The following SLAIN1 variants were observed in gnomAD, a reference collection of about 807,000 sequenced individuals.
SLAIN1 encodes the protein SLAIN family member 1, also known as SLAIN motif-containing protein 1.
A neutral mutation model predicts 55.4 loss-of-function variants in SLAIN1; 17 were observed. That is an observed-to-expected ratio of 0.31 (90% confidence interval 0.21 to 0.46). The LOEUF (loss-of-function observed/expected upper bound fraction) is 0.46, where lower values mean the gene tolerates loss of function less well. SLAIN1 is among the 20% of genes least tolerant of loss of function. The pLI, the probability that SLAIN1 is intolerant of heterozygous loss-of-function variation, is 1.00. For missense variants in SLAIN1, 682 were observed against 785.1 expected (o/e 0.87, Z 1.57); for synonymous variants, 348 against 337.4 (o/e 1.03, Z -0.35).
At chr13:77,762,663 G>A (rs950116711) in intron 6 of SLAIN1, among the ~76,000 whole-genome samples, 3 of 152,148 alleles carry the variant, frequency 2.0e-5, no homozygotes, top group Non-Finnish European at 2.9e-5. Context: ...GCCTCCCAAA[G>A]TGTTGGGATT....
chr13:77,700,800 T>C (rs958569389), intron 1 of SLAIN1, among the ~76,000 whole-genome samples: 3 of 152,122 alleles, frequency 2.0e-5, no homozygotes, highest in Non-Finnish European at 4.4e-5. Context: ...AGTGGGTATA[T>C]AGTACCTTAT....
intron 2 of SLAIN1, among the ~76,000 whole-genome samples, chr13:77,731,327 CTTTAAAGT>C (rs1425089930): frequency 6.6e-6 from 1 of 152,106 alleles, no homozygotes; most frequent in African/African-American, 2.4e-5. Flanking sequence ...TTAATATTGT[CTTTAAAGT>C]TTTAAGGAAG....
intron 1 of SLAIN1, among the ~76,000 whole-genome samples, chr13:77,718,913 G>C (rs541722006): frequency 6.6e-6 from 1 of 152,204 alleles, no homozygotes; most frequent in South Asian, 2.1e-4. Context: ...CTGTGTAATT[G>C]TGTAGGTGCT....
chr13:77,715,674 T>C (rs1379109282), intron 1 of SLAIN1, among the ~76,000 whole-genome samples: 3 of 152,308 alleles, frequency 2.0e-5, no homozygotes, highest in Non-Finnish European at 2.9e-5. Flanking sequence ...TAGCTATTTT[T>C]CTAATGATTA....
intron 2 of SLAIN1, among the ~76,000 whole-genome samples, chr13:77,725,083 C>T (rs2091295542): frequency 6.6e-6 from 1 of 152,008 alleles, no homozygotes; most frequent in African/African-American, 2.4e-5. Flanking sequence ...TTTTTGAGCC[C>T]AATGTAACTA....
intron 2 of SLAIN1, among the ~76,000 whole-genome samples, chr13:77,722,921 A>G (rs2091275528): frequency 1.3e-5 from 2 of 151,902 alleles, no homozygotes; most frequent in East Asian, 3.9e-4. Context: ...TAATTTTTGT[A>G]TTTTTTAATA....
chr13:77,702,869 A>G (rs1169798168), intron 1 of SLAIN1, among the ~76,000 whole-genome samples: 2 of 152,214 alleles, frequency 1.3e-5, no homozygotes, highest in African/African-American at 4.8e-5. Flanking sequence ...TTGATTAAAT[A>G]TGTTTTAGTT....
chr13:77,708,900 G>A (rs2091117557), intron 1 of SLAIN1, among the ~76,000 whole-genome samples: 1 of 152,020 alleles, frequency 6.6e-6, no homozygotes, highest in Non-Finnish European at 1.5e-5. Flanking sequence ...AACAAAACTG[G>A]ACGGAGAATG....
chr13:77,757,075 A>T (rs1364662870), intron 5 of SLAIN1, among the ~76,000 whole-genome samples: 1 of 152,196 alleles, frequency 6.6e-6, no homozygotes, highest in Non-Finnish European at 1.5e-5. Context: ...GTTTTTAAAA[A>T]ATTAACACTT....
chr13:77,738,057 G>T (rs78898717), intron 2 of SLAIN1, among the ~76,000 whole-genome samples: 1 of 151,990 alleles, frequency 6.6e-6, no homozygotes, highest in Non-Finnish European at 1.5e-5. Context: ...GTGTGTATCT[G>T]TGGAAGATAT....
intron 2 of SLAIN1, among the ~76,000 whole-genome samples, chr13:77,734,750 T>C (rs1018789328): frequency 6.6e-6 from 1 of 152,178 alleles, no homozygotes; most frequent in East Asian, 1.9e-4. Context: ...GGCTGGGCGG[T>C]GGCTCACACT....
At chr13:77,727,819 A>G (rs1013106765) in intron 2 of SLAIN1, among the ~76,000 whole-genome samples, 5 of 152,188 alleles carry the variant, frequency 3.3e-5, no homozygotes, top group Non-Finnish European at 5.9e-5. Context: ...AGATTTCTGG[A>G]AATATTGGAT....
rs74788568 is a variant in SLAIN1, at chr13:77,756,186, T to G, written c.1414+2828T>G. Among the ~76,000 whole-genome samples the G allele has an allele frequency of 1.3e-3, 197 of 152,100 alleles. 1 individual carries two copies. Among genetic ancestry groups the G allele is most frequent in the African/African-American group, 4.5e-3 (187 of 41,512 alleles). ...TATGTGTTTTTTTTTAAATCAAGGGTGGTTATATATGTTACATGTAGGAGA... is the reference window on the plus strand; with the variant it reads ...TATGTGTTTTTTTTTAAATCAAGGGGGGTTATATATGTTACATGTAGGAGA... On this transcript the variant is annotated intron_variant, in intron 5 of 6. Transcript: ENST00000418532.
intron 2 of SLAIN1, among the ~76,000 whole-genome samples, chr13:77,727,367 C>A (rs2091316347): frequency 6.6e-6 from 1 of 151,348 alleles, no homozygotes; most frequent in Admixed American, 6.6e-5. Context: ...AATTTTTCAG[C>A]ATGTTTTAAG....
chr13:77,698,346 G>A lies in SLAIN1; in HGVS notation c.433G>A (p.Ala145Thr), dbSNP rs2090995120. 1 of 1,447,890 alleles carries A rather than the reference G, an allele frequency of 6.9e-7. No individual in the cohort carries two copies. The highest frequency in any genetic ancestry group is 9.1e-7 in the Non-Finnish European group (1 of 1,102,396). The allele number at this position is 1,447,890 out of a possible 1,614,324, so 89.7% of individuals were successfully genotyped here. The change falls in exon 1 of 7, where the codon GCG (alanine) becomes ACG (threonine). Residue 145 changes from alanine to threonine, a missense_variant. Coordinates refer to ENST00000418532, the MANE Select transcript of SLAIN1 (RefSeq NM_001242868.2). This position sits in a 1 kb window ranked among gnomAD's most constrained non-coding sequence, Gnocchi z 4.1. ...LLCSLAQPPE[A>T]PFVYFKPAAG... ...TTGCAGCCTGGCGCAGCCACCCGAGGCGCCCTTCGTCTACTTCAAGCCGGC... is the reference window on the plus strand; with the variant it reads ...TTGCAGCCTGGCGCAGCCACCCGAGACGCCCTTCGTCTACTTCAAGCCGGC...
At chr13:77,724,500 T>G (rs1479044968) in intron 2 of SLAIN1, among the ~76,000 whole-genome samples, 1 of 152,176 alleles carries the variant, frequency 6.6e-6, no homozygotes, top group Non-Finnish European at 1.5e-5. Context: ...TATAAGAGTT[T>G]GAGTTTAACT....
At chr13:77,746,454 A>G (rs1447576646) in intron 3 of SLAIN1, 60 bp from the exon 4 acceptor site, 1 of 1,390,156 alleles carries the variant, frequency 7.2e-7, no homozygotes, top group East Asian at 2.3e-5. Flanking sequence ...ATACTTGGTT[A>G]ATTATAACTA....
At position 77,697,869 on chromosome 13, in the gene SLAIN1, G is replaced by C; in HGVS notation, c.-45G>C. 7.8e-7 allele frequency: 1 copy of C among 1,284,974 alleles called. No individual in the cohort carries two copies. The highest frequency in any genetic ancestry group is 9.8e-7 in the Non-Finnish European group (1 of 1,016,168). 79.6% of individuals were successfully genotyped at this position (1,284,974 alleles called of 1,614,324 possible). A position where few individuals can be genotyped will look rare whatever the true frequency, so the allele number is the denominator to read the frequency against. Reference sequence around the variant, plus strand: ...TCCCCGTGGCCCGAGGAGCCGGCGCGGCGGCGCGCACTCCCCGGCGGCCGC... The same window carrying C: ...TCCCCGTGGCCCGAGGAGCCGGCGCCGCGGCGCGCACTCCCCGGCGGCCGC... On this transcript the variant is annotated 5_prime_UTR_variant, in exon 1 of 7. Transcript: ENST00000418532.
At chr13:77,705,202 A>G (rs1594249417) in intron 1 of SLAIN1, among the ~76,000 whole-genome samples, 1 of 151,916 alleles carries the variant, frequency 6.6e-6, no homozygotes, top group East Asian at 1.9e-4. Context: ...CAGTTGTCAT[A>G]CTTCATTGGA....
Sources: allele counts gnomAD v4.1 joint callset (sites outside exome capture counted in the v4.1 genomes callset), GRCh38; gene constraint gnomAD v4.1.1; non-coding constraint Gnocchi (gnomAD v3.1); transcripts MANE v1.5; gene names NCBI Gene and HGNC (gene_info 2026-07-23, HGNC 2026-07-21).